Variants in MSL3 observed in about 807,000 individuals in gnomAD.
MSL3 encodes the protein MSL complex subunit 3.
Under a neutral mutation model 37.2 loss-of-function variants are expected in MSL3, and 5 were observed. The ratio of observed to expected loss-of-function variants is 0.13; its 90% CI spans 0.07 to 0.28. The LOEUF (loss-of-function observed/expected upper bound fraction) is 0.28. Ranked by LOEUF, MSL3 falls within the 10% of genes least tolerant of loss-of-function variation. The pLI is 1.00. For synonymous variants in MSL3, 149 were observed against 147.6 expected (o/e 1.01, Z -0.07); for missense variants, 315 against 408.5 (o/e 0.77, Z 1.97).
chrX:11,768,752 G>A (rs1344131583), intron 10 of MSL3, 70 bp downstream of exon 10: 15 of 714,809 alleles, frequency 2.1e-5, no homozygotes, highest in Non-Finnish European at 3.1e-5. Flanking sequence ...ATAGGTGGAA[G>A]TCAAGGTTCT....
intron 4 of MSL3, among the ~76,000 whole-genome samples, chrX:11,761,233 A>G (rs1444178304): frequency 8.9e-6 from 1 of 112,389 alleles, no homozygotes; most frequent in Non-Finnish European, 1.9e-5. Flanking sequence ...CCTTGGTCCC[A>G]TTTATGAATG....
At chrX:11,758,220 CGCT>C, upstream of MSL3, 1 of 627,729 alleles carries the variant, frequency 1.6e-6, no homozygotes, top group Non-Finnish European at 2.1e-6. Flanking sequence ...CCACCGCGCG[CGCT>C]CCGCCCGCCC....
chrX:11,773,010 A>G (rs961638997), intron 12 of MSL3, among the ~76,000 whole-genome samples: 3 of 112,346 alleles, frequency 2.7e-5, no homozygotes, highest in African/African-American at 9.7e-5. Flanking sequence ...CTAAAGTAGA[A>G]GTGATTGAGA....
chrX:11,765,545 C>T lies in MSL3; in HGVS notation c.987C>T (p.Thr329=), dbSNP rs765943347. 1.6e-5 allele frequency: 19 copies of T among 1,209,186 alleles called. No homozygotes were observed. The highest frequency in any genetic ancestry group is 7.0e-5 in the African/African-American group (4 of 56,921). Residue 329 remains threonine (T), a synonymous_variant, in exon 9 of 13, where the codon ACC becomes ACT. Transcript: ENST00000312196. ...TPQSTESQPT[T]GEPATPKRRK... Reference sequence around the variant, plus strand: ...AGTCCACAGAGAGTCAGCCGACCACCGGTGAACCAGCCACCCCCAAAAGGC... The same window carrying T: ...AGTCCACAGAGAGTCAGCCGACCACTGGTGAACCAGCCACCCCCAAAAGGC...
At chrX:11,761,450 G>A (rs753962225) in intron 4 of MSL3, 50 bp from the exon 5 acceptor site, 3 of 849,734 alleles carry the variant, frequency 3.5e-6, no homozygotes, top group Non-Finnish European at 5.2e-6. Context: ...AGACATAAGG[G>A]TTGGTGAAGT....
At chrX:11,762,001 C>A (rs1305273351) in intron 5 of MSL3, 129 bp from the exon 6 acceptor site, 6 of 517,763 alleles carry the variant, frequency 1.2e-5, no homozygotes, top group Middle Eastern at 6.1e-4. Context: ...CTTTAACATA[C>A]TTTTAATTAG....
Position 11,775,173 on chromosome X carries a change from A to C in MSL3, c.*94A>C. The C allele has an allele frequency of 3.2e-6, 2 of 615,816 alleles. No homozygotes were observed. Among genetic ancestry groups the C allele is most frequent in the Non-Finnish European group, 5.3e-6 (2 of 376,149 alleles). 50.8% of individuals were successfully genotyped at this position (615,816 alleles called of 1,213,427 possible). On this transcript the variant is annotated 3_prime_UTR_variant, in exon 13 of 13. Transcript: ENST00000312196. ...AACAAGGTGGTGGGTCTTTACCCAC[A>C]GCGCAAACACAATGCCCACCTTGGG...
chrX:11,766,516 A>T (rs757406647), intron 9 of MSL3: 1 of 753,435 alleles, frequency 1.3e-6, no homozygotes, highest in Admixed American at 8.6e-5. Context: ...CCCTCTTAGT[A>T]GTAGTATTCA....
chrX:11,767,849 G>A (rs907988929), intron 9 of MSL3: 1 of 745,680 alleles, frequency 1.3e-6, no homozygotes, highest in African/African-American at 2.3e-5. Flanking sequence ...TCATATAAAT[G>A]GAATCATCTG....
chrX:11,764,998 T>C (rs750691032), intron 8 of MSL3, among the ~76,000 whole-genome samples: 1 of 112,903 alleles, frequency 8.9e-6, no homozygotes, highest in Non-Finnish European at 1.9e-5. Context: ...AATGCTTTTC[T>C]TAGTCCTGCC....
intron 10 of MSL3, among the ~76,000 whole-genome samples, chrX:11,771,739 C>T (rs2053233435): frequency 9.0e-6 from 1 of 111,539 alleles, no homozygotes; most frequent in African/African-American, 3.3e-5. Flanking sequence ...ACCACCACAC[C>T]TGGCTAATTT....
chrX:11,772,803 T>G (rs921537419), intron 12 of MSL3, 98 bp downstream of exon 12: 4 of 466,120 alleles, frequency 8.6e-6, no homozygotes, highest in African/African-American at 7.4e-5. Flanking sequence ...CTGTGATATT[T>G]TAAATAGTAG....
At chrX:11,774,863 T>G in intron 12 of MSL3, 117 bp from the exon 13 acceptor site, 1 of 509,576 alleles carries the variant, frequency 2.0e-6, no homozygotes, top group Non-Finnish European at 3.4e-6. Context: ...TTATAGTCAT[T>G]TTTTTCTTCC....
At chrX:11,773,877 A>G (rs771084637) in intron 12 of MSL3, among the ~76,000 whole-genome samples, 5 of 111,666 alleles carry the variant, frequency 4.5e-5, no homozygotes, top group Admixed American at 9.5e-5. Flanking sequence ...GAGTACACTC[A>G]TAGAAGAAAA....
intron 5 of MSL3, 74 bp downstream of exon 5, chrX:11,761,656 C>T: frequency 1.8e-6 from 1 of 570,771 alleles, no homozygotes. Context: ...TGAAATACTC[C>T]AGTTGTGAAT....
chrX:11,761,590 G>T lies in MSL3; in HGVS notation c.465+8G>T. The T allele has an allele frequency of 9.2e-7, 1 of 1,081,416 alleles. No individual in the cohort carries two copies. The highest frequency in any genetic ancestry group is 1.3e-6 in the Non-Finnish European group (1 of 794,446). 89.1% of individuals were successfully genotyped at this position (1,081,416 alleles called of 1,213,427 possible). On this transcript the variant is annotated splice_region_variant and intron_variant, in intron 5 of 12. Transcript: ENST00000312196. ...GAAGAAAAGACTGAAGTGGTATAAA[G>T]TTTTTATTGTAAAAACTTTCTCTTT... is the stretch of plus-strand genomic sequence containing the variant.
chrX:11,763,973 G>A (rs1435451683), intron 8 of MSL3, 35 bp downstream of exon 8: 1 of 1,139,354 alleles, frequency 8.8e-7, no homozygotes. Context: ...ACCCTCACAT[G>A]TCAGCAGTAC....
intron 2 of MSL3, chrX:11,760,193 G>T: frequency 2.7e-6 from 1 of 376,539 alleles, no homozygotes; most frequent in Non-Finnish European, 4.6e-6. Flanking sequence ...ATTGTATTTG[G>T]ATTCTGTCTG....
At chrX:11,773,669 G>A (rs765899216) in intron 12 of MSL3, among the ~76,000 whole-genome samples, 7 of 112,320 alleles carry the variant, frequency 6.2e-5, no homozygotes, top group African/African-American at 1.9e-4. Flanking sequence ...AAATCAAATA[G>A]TGCCAAGAAA....
Sources: gnomAD v4.1 joint callset for allele counts (sites outside exome capture counted in the v4.1 genomes callset) on GRCh38, gnomAD v4.1.1 for gene constraint, MANE v1.5 for transcripts, NCBI Gene and HGNC (gene_info 2026-07-23, HGNC 2026-07-21) for gene names.